Variants in TM9SF2 observed in about 807,000 individuals in gnomAD.
TM9SF2 encodes 76 kDa membrane protein.
In TM9SF2, 13 loss-of-function variants were observed where a neutral mutation model predicts 84.9. That is an observed-to-expected ratio of 0.15 (90% CI 0.10 to 0.24). TM9SF2 has a LOEUF of 0.24. TM9SF2 is among the 10% of genes least tolerant of loss of function. The pLI is 1.00. For synonymous variants in TM9SF2, 273 were observed against 285.8 expected (o/e 0.96, Z 0.45); for missense variants, 562 against 818.5 (o/e 0.69, Z 3.82).
rs771436584 is a variant in TM9SF2, at chr13:99,517,685, A to G, written c.239+4A>G. 6.4e-7 allele frequency: 1 copy of G among 1,570,878 alleles called. No individual in the cohort carries two copies. Among genetic ancestry groups the G allele is most frequent in the Non-Finnish European group, 8.6e-7 (1 of 1,162,416 alleles). ...TTCTTCCTTATGAATACACAGCGTAAGTTTTTCAGCTTGGCTTTTATATAA... is the reference window on the plus strand; with the variant it reads ...TTCTTCCTTATGAATACACAGCGTAGGTTTTTCAGCTTGGCTTTTATATAA... On this transcript the variant is annotated splice_donor_region_variant and intron_variant, in intron 2 of 16. Coordinates refer to ENST00000376387, the MANE Select transcript of TM9SF2 (RefSeq NM_004800.3).
intron 15 of TM9SF2, among the ~76,000 whole-genome samples, chr13:99,558,632 T>A (rs1297820596): frequency 6.6e-6 from 1 of 152,226 alleles, no homozygotes; most frequent in East Asian, 1.9e-4. Context: ...CTCAGATTGC[T>A]CATTGCTGGT....
chr13:99,529,254 C>T (rs1264246366), intron 3 of TM9SF2, among the ~76,000 whole-genome samples: 1 of 151,986 alleles, frequency 6.6e-6, no homozygotes, highest in Non-Finnish European at 1.5e-5. Context: ...AAGAACGTAT[C>T]AAAGGAAAAC....
intron 1 of TM9SF2, among the ~76,000 whole-genome samples, chr13:99,513,363 AGAGT>A (rs1383963355): frequency 6.6e-6 from 1 of 152,230 alleles, no homozygotes; most frequent in African/African-American, 2.4e-5. Context: ...GAGATAGGAG[AGAGT>A]GCAGAAAATG....
intron 1 of TM9SF2, among the ~76,000 whole-genome samples, chr13:99,503,933 C>A (rs1008791107): frequency 6.6e-6 from 1 of 152,006 alleles, no homozygotes; most frequent in Admixed American, 6.6e-5. Flanking sequence ...CAGAGCAGAT[C>A]ATTTTTCCGA....
Position 99,540,613 on chromosome 13 carries a change from T to G in TM9SF2, c.829-101T>G. 2.0e-5 allele frequency: 17 copies of G among 848,392 alleles called. 1 individual carries two copies. In the South Asian group the frequency reaches 2.9e-4, roughly 15 times the overall value. The allele number at this position is 848,392 out of a possible 1,614,324, so 52.6% of individuals were successfully genotyped here. On this transcript the variant is annotated intron_variant, in intron 7 of 16. Transcript: ENST00000376387. ...AGTTAGATAATTTAGAAATTGCAGTTGTTGACTCAATGGAAGGACAAGCTT... is the reference window on the plus strand; with the variant it reads ...AGTTAGATAATTTAGAAATTGCAGTGGTTGACTCAATGGAAGGACAAGCTT...
intron 1 of TM9SF2, among the ~76,000 whole-genome samples, chr13:99,504,891 A>G (rs1244001087): frequency 1.3e-5 from 2 of 152,180 alleles, no homozygotes; most frequent in East Asian, 1.9e-4. Context: ...GACCATTCTT[A>G]CTTGTAGGGC....
At chr13:99,520,420 C>A (rs894059924) in intron 3 of TM9SF2, among the ~76,000 whole-genome samples, 6 of 152,272 alleles carry the variant, frequency 3.9e-5, no homozygotes, top group African/African-American at 1.4e-4. Flanking sequence ...GTCCTGAAAC[C>A]CGGGTCCTGG....
At chr13:99,520,988 G>C (rs991064924) in intron 3 of TM9SF2, among the ~76,000 whole-genome samples, 1 of 152,158 alleles carries the variant, frequency 6.6e-6, no homozygotes, top group Non-Finnish European at 1.5e-5. Flanking sequence ...TCATCTCTCA[G>C]AATTCTTTTG....
intron 1 of TM9SF2, among the ~76,000 whole-genome samples, chr13:99,510,134 C>G (rs1233697437): frequency 6.6e-6 from 1 of 152,194 alleles, no homozygotes; most frequent in Non-Finnish European, 1.5e-5. Context: ...CACGTGTGAC[C>G]TTTGCACAAG....
chr13:99,534,121 G>A (rs1163526013), intron 4 of TM9SF2, among the ~76,000 whole-genome samples: 2 of 152,190 alleles, frequency 1.3e-5, no homozygotes, highest in East Asian at 3.8e-4. Context: ...TGTGCTCTGT[G>A]TGGTTTGTGA....
Position 99,501,554 on chromosome 13 carries a change from T to G in TM9SF2, c.-53T>G. Reference sequence around the variant, plus strand: ...AGTCGTCTCCGAGACTCCCCACCCCTCCTTCCCTCTTGACCCCCTAGGTTT... The same window carrying G: ...AGTCGTCTCCGAGACTCCCCACCCCGCCTTCCCTCTTGACCCCCTAGGTTT... On this transcript the variant is annotated 5_prime_UTR_variant, in exon 1 of 17. Transcript: ENST00000376387. 6.6e-7 allele frequency: 1 copy of G among 1,507,636 alleles called. No individual in the cohort carries two copies. Among genetic ancestry groups the G allele is most frequent in the Non-Finnish European group, 9.1e-7 (1 of 1,097,462 alleles). The allele number at this position is 1,507,636 out of a possible 1,614,324, so 93.4% of individuals were successfully genotyped here.
chr13:99,546,567 GTTTT>G (rs1230728728), intron 10 of TM9SF2, among the ~76,000 whole-genome samples: 1 of 142,212 alleles, frequency 7.0e-6, no homozygotes, highest in African/African-American at 2.6e-5. Flanking sequence ...AAGGTTTTGG[GTTTT>G]TTTTTTTTTA....
intron 10 of TM9SF2, among the ~76,000 whole-genome samples, 199 bp from the exon 11 acceptor site, chr13:99,546,786 G>A (rs1255019254): frequency 6.6e-6 from 1 of 152,130 alleles, no homozygotes. Context: ...CCAAAGTGAA[G>A]TTTGCCTCAT....
At chr13:99,535,125 C>T (rs2046228362) in intron 4 of TM9SF2, among the ~76,000 whole-genome samples, 2 of 152,122 alleles carry the variant, frequency 1.3e-5, no homozygotes, top group African/African-American at 4.8e-5. Flanking sequence ...GCACTCCAGC[C>T]TGGGTGACAG....
In TM9SF2 at chr13:99,557,535, CT is replaced by C. The variant is rs1566574560; in HGVS notation, c.1753-1827del. ...TAAATTTTGATGAGGTCAAATGTAT[CT>C]GTTTTTTTTTCTTCCGTTGCTTATG... On this transcript the variant is annotated intron_variant, in intron 15 of 16. Coordinates refer to ENST00000376387, the MANE Select transcript of TM9SF2 (RefSeq NM_004800.3). Among the ~76,000 whole-genome samples, 5 of 152,124 alleles carry C rather than the reference CT, an allele frequency of 3.3e-5. No individual in the cohort carries two copies. The South Asian group carries it at 1.0e-3, about 32-fold the overall frequency.
intron 3 of TM9SF2, among the ~76,000 whole-genome samples, chr13:99,521,487 C>T (rs1387743867): frequency 6.6e-6 from 1 of 152,122 alleles, no homozygotes; most frequent in African/African-American, 2.4e-5. Context: ...CACGAGGCAC[C>T]CCCATCTCCC....
intron 4 of TM9SF2, among the ~76,000 whole-genome samples, chr13:99,531,576 A>G (rs940131902): frequency 2.0e-5 from 3 of 152,116 alleles, no homozygotes; most frequent in Non-Finnish European, 4.4e-5. Context: ...GGAAGGATTC[A>G]TTCTGACTGA....
At chr13:99,532,065 T>G (rs1254798964) in intron 4 of TM9SF2, among the ~76,000 whole-genome samples, 1 of 151,932 alleles carries the variant, frequency 6.6e-6, no homozygotes, top group African/African-American at 2.4e-5. Flanking sequence ...TTTTTCTTTT[T>G]TTTTGAGACG....
At chr13:99,525,987 A>T (rs2046181633) in intron 3 of TM9SF2, among the ~76,000 whole-genome samples, 1 of 152,142 alleles carries the variant, frequency 6.6e-6, no homozygotes, top group Non-Finnish European at 1.5e-5. Flanking sequence ...AAGGGATGGG[A>T]CCTAGTGTAC....
Sources: allele counts gnomAD v4.1 joint callset (sites outside exome capture counted in the v4.1 genomes callset), GRCh38; gene constraint gnomAD v4.1.1; transcripts MANE v1.5; gene names NCBI Gene and HGNC (gene_info 2026-07-23, HGNC 2026-07-21).